The following ARB2A variants were observed in gnomAD, a reference collection of about 807,000 sequenced individuals.
The protein encoded by ARB2A is ARB2 cotranscriptional regulator A.
At chr5:93,697,716 C>A in the ARB2A span, among the ~76,000 whole-genome samples, 5 of 152,060 alleles carry the variant, frequency 3.3e-5, no homozygotes, top group Non-Finnish European at 7.4e-5. Context: ...CCTGCTGTTA[C>A]GAGCGCAATG....
the ARB2A span, among the ~76,000 whole-genome samples, chr5:93,817,343 GGAAA>G: frequency 1.1e-3 from 161 of 152,162 alleles, no homozygotes; most frequent in African/African-American, 3.7e-3. Flanking sequence ...CTAAATAAAC[GGAAA>G]GAAAGCCCAT....
At chr5:93,694,368 A>T in the ARB2A span, among the ~76,000 whole-genome samples, 1 of 152,220 alleles carries the variant, frequency 6.6e-6, no homozygotes, top group Non-Finnish European at 1.5e-5. Context: ...ATGTGCAAAA[A>T]TCACAAGCAT....
chr5:93,998,683 T>C, the ARB2A span, among the ~76,000 whole-genome samples: 3 of 152,080 alleles, frequency 2.0e-5, no homozygotes, highest in East Asian at 3.9e-4. Flanking sequence ...AAGAATAGTT[T>C]AAAGAGATAT....
At chr5:93,852,968 A>C in the ARB2A span, among the ~76,000 whole-genome samples, 3 of 152,316 alleles carry the variant, frequency 2.0e-5, no homozygotes, top group African/African-American at 7.2e-5. Flanking sequence ...TGAACTTTAA[A>C]GTAGTTTTTT....
the ARB2A span, among the ~76,000 whole-genome samples, chr5:94,072,623 A>G: frequency 6.6e-6 from 1 of 152,204 alleles, no homozygotes; most frequent in Non-Finnish European, 1.5e-5. Flanking sequence ...AAAAACTAAT[A>G]CATACGAACT....
At chr5:93,731,379 GA>G in the ARB2A span, among the ~76,000 whole-genome samples, 1 of 151,982 alleles carries the variant, frequency 6.6e-6, no homozygotes, top group Non-Finnish European at 1.5e-5. Context: ...ACAAGCCAAG[GA>G]AAAAAACCTG....
At chr5:93,840,125 G>A in the ARB2A span, among the ~76,000 whole-genome samples, 1 of 152,006 alleles carries the variant, frequency 6.6e-6, no homozygotes, top group Non-Finnish European at 1.5e-5. Context: ...TTAACTTTTT[G>A]ATGTGGGTAT....
the ARB2A span, among the ~76,000 whole-genome samples, chr5:93,725,340 CT>C: frequency 6.6e-6 from 1 of 152,030 alleles, no homozygotes; most frequent in Non-Finnish European, 1.5e-5. Context: ...ATTAATACCC[CT>C]ATCTCTTTCC....
chr5:93,782,028 T>C, the ARB2A span: 3 of 617,476 alleles, frequency 4.9e-6, no homozygotes, highest in Non-Finnish European at 6.1e-6. Context: ...TGGACTCTTA[T>C]CTTGCCAACC....
chr5:93,927,571 C>T, the ARB2A span, among the ~76,000 whole-genome samples: 1 of 152,116 alleles, frequency 6.6e-6, no homozygotes, highest in Non-Finnish European at 1.5e-5. Context: ...GTCAAATGGG[C>T]TAACTGATAC....
the ARB2A span, chr5:93,618,271 C>T: frequency 2.0e-5 from 3 of 151,978 alleles, no homozygotes; most frequent in African/African-American, 7.3e-5. Flanking sequence ...CATTTAACGA[C>T]GGGATGGCTA....
the ARB2A span, among the ~76,000 whole-genome samples, chr5:94,010,243 G>A: frequency 1.3e-4 from 19 of 151,920 alleles, no homozygotes; most frequent in South Asian, 2.7e-3. Flanking sequence ...GATATATTGC[G>A]TCTTCATTTT....
the ARB2A span, among the ~76,000 whole-genome samples, chr5:93,994,932 A>G: frequency 6.6e-6 from 1 of 151,738 alleles, no homozygotes; most frequent in African/African-American, 2.4e-5. Context: ...TAAATAAATA[A>G]GAAAAAGGTA....
At chr5:93,829,666 T>C in the ARB2A span, among the ~76,000 whole-genome samples, 1 of 152,160 alleles carries the variant, frequency 6.6e-6, no homozygotes, top group Non-Finnish European at 1.5e-5. Flanking sequence ...TAGTCATATA[T>C]TAAAATACAA....
chr5:93,990,877 G>A, the ARB2A span, among the ~76,000 whole-genome samples: 1 of 152,062 alleles, frequency 6.6e-6, no homozygotes, highest in Non-Finnish European at 1.5e-5. Context: ...GGCAGTATCT[G>A]GGCTGTGACA....
At chr5:93,655,325 C>T in the ARB2A span, among the ~76,000 whole-genome samples, 1 of 152,152 alleles carries the variant, frequency 6.6e-6, no homozygotes, top group Admixed American at 6.6e-5. Context: ...AAACTAGAAG[C>T]TGGCTTGAAC....
the ARB2A span, among the ~76,000 whole-genome samples, chr5:94,020,683 C>G: frequency 1.3e-5 from 2 of 151,864 alleles, no homozygotes; most frequent in South Asian, 4.2e-4. Flanking sequence ...AACTCCTATC[C>G]ATAAAGCTAT....
the ARB2A span, chr5:93,866,336 T>C: frequency 1.0e-6 from 1 of 956,878 alleles, no homozygotes; most frequent in South Asian, 4.8e-5. Flanking sequence ...GTTCTTAAAA[T>C]TGATTATGGG....
the ARB2A span, among the ~76,000 whole-genome samples, chr5:93,995,746 G>A: frequency 4.6e-5 from 7 of 152,232 alleles, no homozygotes; most frequent in East Asian, 1.2e-3. Flanking sequence ...TGTGCCTATC[G>A]TTAACAATAC....
Sources: allele counts gnomAD v4.1 joint callset (sites outside exome capture counted in the v4.1 genomes callset), GRCh38; gene constraint gnomAD v4.1.1; transcripts MANE v1.5; gene names NCBI Gene and HGNC (gene_info 2026-07-23, HGNC 2026-07-21).